DNAH9: variants seen among roughly 807,000 people sequenced by gnomAD.
The protein encoded by DNAH9 is dynein axonemal heavy chain 9, also known as DNAH9 variant protein.
A neutral mutation model predicts 471.6 loss-of-function variants in DNAH9; 345 were observed. The observed-to-expected ratio is 0.73, with a 90% CI of 0.67 to 0.80. The LOEUF (loss-of-function observed/expected upper bound fraction) is 0.80. Ranked by LOEUF, DNAH9 falls within the 30% of genes least tolerant of loss-of-function variation. DNAH9 has a pLI of 0.00. For synonymous variants in DNAH9, 2,093 were observed against 2,123.6 expected (o/e 0.99, Z 0.40); for missense variants, 5,407 against 5,609.2 (o/e 0.96, Z 1.15).
chr17:11,737,204 A>G, intron 28 of DNAH9, among the ~76,000 whole-genome samples: 1 of 152,250 alleles, frequency 6.6e-6, no homozygotes, highest in East Asian at 1.9e-4. Flanking sequence ...TCAAACGCAT[A>G]CAGTCATTAG....
At chr17:11,656,598 TGTA>T (rs1451353786) in intron 14 of DNAH9, among the ~76,000 whole-genome samples, 8 of 152,194 alleles carry the variant, frequency 5.3e-5, no homozygotes, top group Admixed American at 2.6e-4. Flanking sequence ...TTATTAAAGT[TGTA>T]GTATAATATA....
chr17:11,883,075 C>T, intron 55 of DNAH9: 6 of 987,288 alleles, frequency 6.1e-6, no homozygotes, highest in Non-Finnish European at 7.2e-6. Context: ...CACTTGGATA[C>T]CAGCACCCCA....
chr17:11,728,356 A>ATGG (rs1397515533), intron 28 of DNAH9, among the ~76,000 whole-genome samples: 1 of 152,306 alleles, frequency 6.6e-6, no homozygotes, highest in East Asian at 1.9e-4. Context: ...AGTGAGGAAT[A>ATGG]TGGCATGAAT....
At position 11,689,582 on chromosome 17, in the gene DNAH9, C is replaced by T. The variant is rs750866441; in HGVS notation, c.3760C>T (p.Pro1254Ser). Residue 1254 changes from proline (P) to serine (S), a missense_variant, in exon 20 of 69, where the codon CCT becomes TCT. Physicochemically the swap from Pro to Ser is moderately conservative, Grantham distance 74 (BLOSUM62 -1). Around this residue, in one of 3 missense-constraint regions of DNAH9, gnomAD observed 4,636 missense variants for 4,900.3 expected, o/e 0.95. Transcript: ENST00000262442. ...EAPFRFDSIHPHQMLDARHIE... is the reference protein window; with the variant it reads ...EAPFRFDSIHSHQMLDARHIE... The stretch of plus-strand genomic sequence containing the variant: ...GTTTTGTAGGTTTGATAGCATCCAC[C>T]CTCATCAAATGCTGGATGCCAGGCA... 1.2e-6 allele frequency: 2 copies of T among 1,613,008 alleles called. No homozygotes were observed. Among genetic ancestry groups the T allele is most frequent in the Non-Finnish European group, 8.5e-7 (1 of 1,179,512 alleles).
chr17:11,755,781 CAAAG>C (rs1222339879), intron 33 of DNAH9, among the ~76,000 whole-genome samples: 1 of 151,952 alleles, frequency 6.6e-6, no homozygotes, highest in African/African-American at 2.4e-5. Context: ...CTATTCATCA[CAAAG>C]AAGGAATATA....
chr17:11,884,337 A>G, intron 56 of DNAH9: 1 of 262,680 alleles, frequency 3.8e-6, no homozygotes, highest in Non-Finnish European at 7.7e-6. Flanking sequence ...GAGGACTAGA[A>G]GACGGGGTGT....
intron 38 of DNAH9, among the ~76,000 whole-genome samples, chr17:11,778,523 C>T (rs558765697): frequency 9.2e-5 from 14 of 151,826 alleles, no homozygotes; most frequent in African/African-American, 2.7e-4. Context: ...AGGGGATGGG[C>T]GTGATCCAAT....
At chr17:11,650,273 G>A (rs1481754209) in intron 12 of DNAH9, among the ~76,000 whole-genome samples, 1 of 152,100 alleles carries the variant, frequency 6.6e-6, no homozygotes, top group African/African-American at 2.4e-5. Context: ...GGAGAACCTG[G>A]GGCCATCTGT....
At chr17:11,686,036 C>T (rs1052610764) in intron 19 of DNAH9, among the ~76,000 whole-genome samples, 2 of 151,998 alleles carry the variant, frequency 1.3e-5, no homozygotes, top group Admixed American at 6.5e-5. Flanking sequence ...GATTTCCTGA[C>T]CTCATGATCC....
intron 27 of DNAH9, among the ~76,000 whole-genome samples, chr17:11,726,047 A>G (rs1444157945): frequency 6.6e-6 from 1 of 152,030 alleles, no homozygotes; most frequent in Non-Finnish European, 1.5e-5. Flanking sequence ...TCAACTTTCC[A>G]ATCAAAATGG....
chr17:11,854,513 A>G (rs1169450405), intron 50 of DNAH9, 85 bp downstream of exon 50: 36 of 1,436,496 alleles, frequency 2.5e-5, no homozygotes, highest in Non-Finnish European at 3.1e-5. Context: ...ACCTAACGTT[A>G]CGGTTTTTAA....
chr17:11,902,981 A>G, intron 60 of DNAH9, 69 bp downstream of exon 60: 1 of 1,499,858 alleles, frequency 6.7e-7, no homozygotes. Flanking sequence ...CAACTGGACC[A>G]GCAGGGCTGA....
chr17:11,841,991 TAC>T (rs1971052354), intron 49 of DNAH9, among the ~76,000 whole-genome samples: 2 of 152,182 alleles, frequency 1.3e-5, no homozygotes, highest in Admixed American at 6.5e-5. Flanking sequence ...TTTCTTTTTA[TAC>T]AGTTTCTCAT....
chr17:11,617,483 C>G lies in DNAH9; in HGVS notation c.977C>G (p.Ala326Gly). 5.0e-6 allele frequency: 8 copies of G among 1,614,136 alleles called. No homozygotes were observed. The highest frequency in any genetic ancestry group is 6.8e-6 in the Non-Finnish European group (8 of 1,180,012). The change falls in exon 5 of 69, where the codon GCA becomes GGA. Residue 326 changes from alanine to glycine, a missense_variant. Coordinates refer to ENST00000262442, the MANE Select transcript of DNAH9 (RefSeq NM_001372.4). ...LQRHLEALEN[A>G]EFPEVKPQLR... The stretch of plus-strand genomic sequence containing the variant: ...CGCCACCTGGAAGCTCTGGAGAATG[C>G]AGAATTTCCGGAGGTGAAGCCCCAG...
chr17:11,926,458 C>A (rs778388240), intron 62 of DNAH9, among the ~76,000 whole-genome samples: 4 of 152,214 alleles, frequency 2.6e-5, no homozygotes, highest in Non-Finnish European at 5.9e-5. Flanking sequence ...CCCCGTGTGT[C>A]CATGTGTTCT....
intron 44 of DNAH9, among the ~76,000 whole-genome samples, chr17:11,809,927 G>A (rs531664534): frequency 6.6e-6 from 1 of 152,238 alleles, no homozygotes; most frequent in Admixed American, 6.5e-5. Context: ...GCACAAAGCA[G>A]GAGCTCCAGA....
At chr17:11,704,470 A>C in intron 25 of DNAH9, 28 bp downstream of exon 25, 1 of 1,606,686 alleles carries the variant, frequency 6.2e-7, no homozygotes, top group Non-Finnish European at 8.5e-7. Context: ...AGGGATGCCC[A>C]CTTTTGTGTA....
intron 28 of DNAH9, among the ~76,000 whole-genome samples, chr17:11,732,214 G>C (rs1006667807): frequency 2.6e-5 from 4 of 152,110 alleles, no homozygotes; most frequent in Non-Finnish European, 5.9e-5. Context: ...CTTAGTTCCT[G>C]TTTGTTTCTG....
At chr17:11,813,096 T>A (rs1969981405) in intron 45 of DNAH9, among the ~76,000 whole-genome samples, 1 of 152,156 alleles carries the variant, frequency 6.6e-6, no homozygotes, top group Non-Finnish European at 1.5e-5. Context: ...CTCAATTAAG[T>A]ATTGATAATT....
Sources: allele counts gnomAD v4.1 joint callset (sites outside exome capture counted in the v4.1 genomes callset), GRCh38; gene constraint gnomAD v4.1.1; regional missense constraint gnomAD v4.1.1; transcripts MANE v1.5; gene names NCBI Gene and HGNC (gene_info 2026-07-23, HGNC 2026-07-21).